CACNA1D: variants seen among roughly 807,000 people sequenced by gnomAD.
CACNA1D encodes calcium voltage-gated channel subunit alpha1 D.
CACNA1D carries 55 observed loss-of-function variants against 257.1 expected under a neutral mutation model. That is an observed-to-expected ratio of 0.21 (90% confidence interval 0.17 to 0.27). The LOEUF is 0.27. Among genes scored for constraint, CACNA1D ranks in the 10% least tolerant of loss-of-function variants. The pLI, the probability that CACNA1D is intolerant of heterozygous loss-of-function variation, is 1.00. For synonymous variants in CACNA1D, 980 were observed against 1,014.9 expected (o/e 0.97, Z 0.65); for missense variants, 1,876 against 2,784.0 (o/e 0.67, Z 7.34).
Position 53,775,845 on chromosome 3 carries a change from C to CT in CACNA1D, c.4203-38dup, listed in dbSNP as rs1176498813. 3.1e-6 allele frequency: 5 copies of CT among 1,604,050 alleles called. No individual in the cohort carries two copies. The South Asian group carries it at 5.5e-5, about 18-fold the overall frequency. ...CTAAGATCTAAGCTTCAAATTCCTT[C>CT]TTTCCCCCACTAAAGCCCCTTTGTT... On this transcript the variant is annotated intron_variant, in intron 34 of 47. Transcript: ENST00000350061.
Position 53,781,549 on chromosome 3 carries a change from T to C in CACNA1D, c.4691-17T>C, listed in dbSNP as rs2109071386. 5.8e-6 allele frequency: 9 copies of C among 1,562,064 alleles called. No individual in the cohort carries two copies. The highest frequency in any genetic ancestry group is 7.9e-6 in the Non-Finnish European group (9 of 1,132,616). On this transcript the variant is annotated splice_polypyrimidine_tract_variant and intron_variant, in intron 38 of 47. Coordinates refer to ENST00000350061, the MANE Select transcript of CACNA1D (RefSeq NM_001128840.3). ...AGAAATGAGGCTTGCTTTTCCCCTT[T>C]TGTTTTTTGAATCCAGGGAACCTGG...
chr3:53,775,747 C>A, intron 34 of CACNA1D, 139 bp from the exon 35 acceptor site: 1 of 864,640 alleles, frequency 1.2e-6, no homozygotes, highest in Non-Finnish European at 1.9e-6. Flanking sequence ...GTAGGAATTT[C>A]ACATTTCCAT....
intron 20 of CACNA1D, among the ~76,000 whole-genome samples, chr3:53,739,469 T>G (rs574154575): frequency 3.5e-4 from 53 of 152,232 alleles, no homozygotes; most frequent in African/African-American, 1.3e-3. Context: ...CCTCCATGGC[T>G]CCGAGGAGAA....
intron 4 of CACNA1D, among the ~76,000 whole-genome samples, chr3:53,656,249 T>C (rs2094146460): frequency 6.6e-6 from 1 of 152,230 alleles, no homozygotes; most frequent in African/African-American, 2.4e-5. Flanking sequence ...TAGGATTGCC[T>C]TGGCCATCCA....
rs2090311071 is a variant in CACNA1D at position 53,495,615 on chromosome 3, T to C, written c.67+382T>C. 6.6e-6 allele frequency among the ~76,000 whole-genome samples: 1 copy of C among 152,012 alleles called. No individual in the cohort carries two copies. Among genetic ancestry groups the C allele is most frequent in the Admixed American group, 6.5e-5 (1 of 15,272 alleles). On this transcript the variant is annotated intron_variant, in intron 1 of 47. Coordinates refer to ENST00000350061, the MANE Select transcript of CACNA1D (RefSeq NM_001128840.3). This position sits in a 1 kb window ranked among gnomAD's most constrained non-coding sequence, Gnocchi z 5.1. Reference sequence around the variant, plus strand: ...CCCCCTTGCCAGCCTCTTCTCGCCTTCCACTCCTCCCCCGCCCCCTCGTTG... The same window carrying C: ...CCCCCTTGCCAGCCTCTTCTCGCCTCCCACTCCTCCCCCGCCCCCTCGTTG...
At chr3:53,558,953 C>T (rs561565743) in intron 3 of CACNA1D, among the ~76,000 whole-genome samples, 4 of 152,178 alleles carry the variant, frequency 2.6e-5, no homozygotes, top group South Asian at 2.1e-4. Flanking sequence ...AAGTATTTTT[C>T]CTACACAACA....
At chr3:53,635,401 T>C (rs2093871061) in intron 3 of CACNA1D, among the ~76,000 whole-genome samples, 2 of 152,134 alleles carry the variant, frequency 1.3e-5, no homozygotes, top group African/African-American at 4.8e-5. Context: ...GGGTTGTCAT[T>C]TTCCTGTCCC....
chr3:53,658,953 A>G lies in CACNA1D; in HGVS notation c.624-1180A>G, dbSNP rs114276102. ...ACTATACCCAATCAGGGCTGTAATC[A>G]GACCACCCGATGTTTTATGGACTCG... On this transcript the variant is annotated intron_variant, in intron 4 of 47. Coordinates refer to ENST00000350061, the MANE Select transcript of CACNA1D (RefSeq NM_001128840.3). Among the ~76,000 whole-genome samples, 1,423 of 152,326 alleles carry G rather than the reference A, an allele frequency of 9.3e-3. 13 individuals carry two copies. The highest frequency in any genetic ancestry group is 0.014 in the Admixed American group (220 of 15,306).
chr3:53,742,708 G>C (rs2095129868), intron 21 of CACNA1D, among the ~76,000 whole-genome samples: 1 of 152,192 alleles, frequency 6.6e-6, no homozygotes. Flanking sequence ...ATGTAGTCCT[G>C]TGGAGCCTCT....
chr3:53,791,526 G>C (rs1029705051), intron 40 of CACNA1D: 1 of 155,102 alleles, frequency 6.4e-6, no homozygotes, highest in Non-Finnish European at 1.4e-5. Flanking sequence ...CAGGCCCCTC[G>C]GCGCTGAGCT....
intron 3 of CACNA1D, among the ~76,000 whole-genome samples, chr3:53,611,217 C>T (rs1276489080): frequency 1.3e-5 from 2 of 152,086 alleles, no homozygotes; most frequent in African/African-American, 4.8e-5. Context: ...GACCCCATCT[C>T]AACAAAAAGT....
rs1340795572 is a variant in CACNA1D, at chr3:53,762,023, C to A, written c.3812C>A (p.Thr1271Lys). ...GGGTATTTTAGTGACGCCTGGAACA[C>A]GTTTGACTCCCTCATCGTAATCGGC... is the stretch of plus-strand genomic sequence containing the variant. ...PKGYFSDAWNTFDSLIVIGSI... is the reference protein window; with the variant it reads ...PKGYFSDAWNKFDSLIVIGSI... The change falls in exon 30 of 48, where the codon ACG (threonine) becomes AAG (lysine). Residue 1271 changes from threonine to lysine, a missense_variant. Coordinates refer to ENST00000350061, the MANE Select transcript of CACNA1D (RefSeq NM_001128840.3). 1.2e-6 allele frequency: 2 copies of A among 1,613,428 alleles called. No homozygotes were observed. Among genetic ancestry groups the A allele is most frequent in the African/African-American group, 2.7e-5 (2 of 74,914 alleles).
At position 53,801,631 on chromosome 3, in the gene CACNA1D, C is replaced by T. The variant is rs532982961; in HGVS notation, c.5408+206C>T. On this transcript the variant is annotated intron_variant, in intron 42 of 47. Coordinates refer to ENST00000350061, the MANE Select transcript of CACNA1D (RefSeq NM_001128840.3). ...TGATGGACCTAAAGGATAAGGGCCA[C>T]GTGCCATCCTACATCCTGTGTGGGG... is the stretch of plus-strand genomic sequence containing the variant. Among the ~76,000 whole-genome samples, 7 of 152,272 alleles carry T rather than the reference C, an allele frequency of 4.6e-5. No homozygotes were observed. The South Asian group carries it at 1.2e-3, about 27-fold the overall frequency.
chr3:53,516,393 C>T (rs759280483), intron 3 of CACNA1D, among the ~76,000 whole-genome samples: 33 of 152,220 alleles, frequency 2.2e-4, no homozygotes, highest in East Asian at 5.8e-4. Flanking sequence ...GCCTAGTCCA[C>T]GGAGGTTGGA....
chr3:53,761,945 G>C (rs372003114), intron 29 of CACNA1D, 53 bp from the exon 30 acceptor site: 2 of 1,253,550 alleles, frequency 1.6e-6, no homozygotes, highest in Admixed American at 1.7e-5. Context: ...CGGTCCGTGT[G>C]GTGGGTCATT....
intron 3 of CACNA1D, among the ~76,000 whole-genome samples, chr3:53,542,405 CTT>C (rs1300522460): frequency 1.3e-5 from 2 of 151,636 alleles, no homozygotes; most frequent in African/African-American, 4.8e-5. Flanking sequence ...CATATGGAGA[CTT>C]TGTCTCTACA....
chr3:53,787,405 A>G (rs1486927423), intron 40 of CACNA1D, among the ~76,000 whole-genome samples: 6 of 137,114 alleles, frequency 4.4e-5, no homozygotes, highest in Non-Finnish European at 9.4e-5. Context: ...AGTAACATCC[A>G]TCACCTCCTA....
At chr3:53,802,115 C>T in intron 42 of CACNA1D, 32 bp from the exon 43 acceptor site, 1 of 1,577,454 alleles carries the variant, frequency 6.3e-7, no homozygotes, top group Non-Finnish European at 8.7e-7. Flanking sequence ...TTATCTTCTC[C>T]CTCCTTCCCA....
rs562577156 is a variant in CACNA1D at position 53,559,586 on chromosome 3, A to G, written c.483+57866A>G. 5.9e-5 allele frequency among the ~76,000 whole-genome samples: 9 copies of G among 152,292 alleles called. No individual in the cohort carries two copies. In the East Asian group the frequency reaches 1.7e-3, roughly 29 times the overall value. ...ATTTTAGTCTGTTTCTTTTGTGTGC[A>G]ATCTATTGTTCAGTCTGGGACCTGG... On this transcript the variant is annotated intron_variant, in intron 3 of 47. Coordinates refer to ENST00000350061, the MANE Select transcript of CACNA1D (RefSeq NM_001128840.3).
Sources: gnomAD v4.1 joint callset for allele counts (sites outside exome capture counted in the v4.1 genomes callset) on GRCh38, gnomAD v4.1.1 for gene constraint, Gnocchi (gnomAD v3.1) non-coding constraint, MANE v1.5 for transcripts, NCBI Gene and HGNC (gene_info 2026-07-23, HGNC 2026-07-21) for gene names.